The following SORCS1 variants were observed in gnomAD, a reference collection of about 807,000 sequenced individuals.
SORCS1 encodes sortilin related VPS10 domain containing receptor 1.
Under a neutral mutation model 146.1 loss-of-function variants are expected in SORCS1, and 60 were observed. That is an observed-to-expected ratio of 0.41 (90% confidence interval 0.33 to 0.51). SORCS1 has a LOEUF of 0.51. SORCS1 is among the 20% of genes least tolerant of loss of function. The probability of loss-of-function intolerance (pLI) is 0.21; values close to 1 mark genes in which losing one functional copy is unlikely to be tolerated. For missense variants in SORCS1, 1,352 were observed against 1,487.6 expected (o/e 0.91, Z 1.50); for synonymous variants, 637 against 584.0 (o/e 1.09, Z -1.31).
chr10:107,142,272 G>A (rs1967909230), intron 1 of SORCS1, among the ~76,000 whole-genome samples: 1 of 152,122 alleles, frequency 6.6e-6, no homozygotes, highest in Admixed American at 6.5e-5. Flanking sequence ...TCCTACTAGT[G>A]ACTGATTTTT....
chr10:107,075,318 T>C (rs1962779500), intron 1 of SORCS1, among the ~76,000 whole-genome samples: 1 of 152,166 alleles, frequency 6.6e-6, no homozygotes, highest in South Asian at 2.1e-4. Context: ...CTGGTTTTGC[T>C]TTCCAACTTT....
chr10:106,738,688 A>C (rs1295715482), intron 5 of SORCS1, among the ~76,000 whole-genome samples: 2 of 152,234 alleles, frequency 1.3e-5, no homozygotes. Context: ...AGAGGGTAGA[A>C]CAAATATAAG....
chr10:107,028,304 C>T lies in SORCS1; in HGVS notation c.559-71724G>A, dbSNP rs546037336. 1.7e-4 allele frequency among the ~76,000 whole-genome samples: 26 copies of T among 152,304 alleles called. No homozygotes were observed. In the South Asian group the frequency reaches 5.4e-3, roughly 32 times the overall value. ...TAAATGCTCAATTCCCCATCCTTTTCCTCTTGTGAAATGGGCATCAGGGAA... is the reference window on the plus strand; with the variant it reads ...TAAATGCTCAATTCCCCATCCTTTTTCTCTTGTGAAATGGGCATCAGGGAA... On this transcript the variant is annotated intron_variant, in intron 1 of 25. Transcript: ENST00000263054.
At chr10:107,008,762 C>T (rs1957559971) in intron 1 of SORCS1, among the ~76,000 whole-genome samples, 1 of 152,158 alleles carries the variant, frequency 6.6e-6, no homozygotes, top group Non-Finnish European at 1.5e-5. Flanking sequence ...CTTTGGGAGG[C>T]CGAGGCGGGT....
intron 3 of SORCS1, among the ~76,000 whole-genome samples, chr10:106,781,183 T>C (rs1425131362): frequency 2.0e-5 from 3 of 152,186 alleles, no homozygotes; most frequent in African/African-American, 7.2e-5. Context: ...TATTTAGTTT[T>C]CCAAATTCTT....
At chr10:107,059,061 A>T (rs1270956764) in intron 1 of SORCS1, among the ~76,000 whole-genome samples, 1 of 152,224 alleles carries the variant, frequency 6.6e-6, no homozygotes, top group Non-Finnish European at 1.5e-5. Context: ...AGTAATTTTT[A>T]TATTTTCATT....
intron 20 of SORCS1, among the ~76,000 whole-genome samples, chr10:106,619,903 G>T (rs1032281756): frequency 6.6e-6 from 1 of 152,176 alleles, no homozygotes; most frequent in Non-Finnish European, 1.5e-5. Flanking sequence ...TTTGATTTAG[G>T]GTAAGAAGGC....
chr10:106,994,538 G>T (rs7919575), intron 1 of SORCS1, among the ~76,000 whole-genome samples: 15,301 of 152,170 alleles, frequency 0.1, 2,507 homozygotes, highest in African/African-American at 0.34. Flanking sequence ...AAACCATTTT[G>T]TTCTTGAAAA....
chr10:106,979,523 T>C (rs999677826), intron 1 of SORCS1, among the ~76,000 whole-genome samples: 1 of 152,052 alleles, frequency 6.6e-6, no homozygotes, highest in Non-Finnish European at 1.5e-5. Context: ...GTTCTCAGCA[T>C]TGAAAAATAT....
intron 2 of SORCS1, among the ~76,000 whole-genome samples, chr10:106,869,459 A>G (rs1950331154): frequency 6.6e-6 from 1 of 152,206 alleles, no homozygotes; most frequent in Non-Finnish European, 1.5e-5. Flanking sequence ...ATACTTGCAA[A>G]CTGAATCCAG....
chr10:106,671,150 T>C, intron 16 of SORCS1, 87 bp downstream of exon 16: 1 of 1,567,234 alleles, frequency 6.4e-7, no homozygotes, highest in Non-Finnish European at 8.7e-7. Context: ...CTATGTATGT[T>C]ACTATTATTT....
intron 1 of SORCS1, among the ~76,000 whole-genome samples, chr10:107,145,425 A>C (rs1331863610): frequency 2.0e-5 from 3 of 152,208 alleles, no homozygotes; most frequent in African/African-American, 7.2e-5. Flanking sequence ...AAAACCATTT[A>C]TTATCCTGGT....
At chr10:106,694,962 C>G (rs907866828) in intron 9 of SORCS1, among the ~76,000 whole-genome samples, 4 of 152,158 alleles carry the variant, frequency 2.6e-5, no homozygotes, top group Non-Finnish European at 5.9e-5. Flanking sequence ...ACCATCCAAA[C>G]CTGTCAGGCT....
At chr10:107,089,521 T>A (rs1320771024) in intron 1 of SORCS1, among the ~76,000 whole-genome samples, 1 of 152,220 alleles carries the variant, frequency 6.6e-6, no homozygotes, top group African/African-American at 2.4e-5. Flanking sequence ...AGATACTATT[T>A]CTGGCGAGTC....
intron 23 of SORCS1, among the ~76,000 whole-genome samples, chr10:106,604,886 C>T (rs1203881115): frequency 1.3e-5 from 2 of 152,158 alleles, no homozygotes; most frequent in Non-Finnish European, 2.9e-5. Context: ...AAGTACTTTG[C>T]TATATCATTT....
intron 5 of SORCS1, among the ~76,000 whole-genome samples, chr10:106,738,520 T>C (rs4918246): frequency 0.78 from 119,074 of 151,988 alleles, 47,491 homozygotes; most frequent in Non-Finnish European, 0.87. Flanking sequence ...CCTGGAGGGG[T>C]GTGCTTGTGT....
intron 3 of SORCS1, among the ~76,000 whole-genome samples, chr10:106,801,631 G>A (rs1308829024): frequency 6.7e-6 from 1 of 148,462 alleles, no homozygotes; most frequent in Non-Finnish European, 1.5e-5. Context: ...CCAGGTTCAC[G>A]CCATTCTCCT....
chr10:106,735,781 C>G (rs1259530476), intron 5 of SORCS1, among the ~76,000 whole-genome samples: 2 of 152,134 alleles, frequency 1.3e-5, no homozygotes, highest in Non-Finnish European at 2.9e-5. Context: ...TCCTAAAAGC[C>G]ATGAGATGGT....
intron 6 of SORCS1, among the ~76,000 whole-genome samples, chr10:106,716,657 C>T (rs1449493514): frequency 6.6e-6 from 1 of 152,142 alleles, no homozygotes; most frequent in East Asian, 1.9e-4. Context: ...TTACTCAGTC[C>T]AAATACTTCC....
Sources: allele counts gnomAD v4.1 joint callset (sites outside exome capture counted in the v4.1 genomes callset), GRCh38; gene constraint gnomAD v4.1.1; transcripts MANE v1.5; gene names NCBI Gene and HGNC (gene_info 2026-07-23, HGNC 2026-07-21).